LRRC4C: variants seen among roughly 807,000 people sequenced by gnomAD.
The protein encoded by LRRC4C is leucine-rich repeat-containing protein 4C.
Under a neutral mutation model 33.6 loss-of-function variants are expected in LRRC4C, and 5 were observed. The observed-to-expected ratio is 0.15, with a 90% CI of 0.08 to 0.31. The LOEUF is 0.31. Among genes scored for constraint, LRRC4C ranks in the 10% least tolerant of loss-of-function variants. The pLI is 1.00. For missense variants in LRRC4C, 560 were observed against 796.7 expected (o/e 0.70, Z 3.58); for synonymous variants, 329 against 302.0 (o/e 1.09, Z -0.93).
intron 1 of LRRC4C, among the ~76,000 whole-genome samples, chr11:41,021,002 T>C (rs1855923873): frequency 6.6e-6 from 1 of 152,166 alleles, no homozygotes. Context: ...ATGAGGCTGA[T>C]TTGCATCACT....
intron 2 of LRRC4C, among the ~76,000 whole-genome samples, chr11:40,874,930 A>G (rs1355678444): frequency 6.6e-6 from 1 of 152,238 alleles, no homozygotes; most frequent in African/African-American, 2.4e-5. Flanking sequence ...GACTACTCTT[A>G]GAACTAATTT....
intron 1 of LRRC4C, among the ~76,000 whole-genome samples, chr11:40,970,644 G>T (rs1851663009): frequency 2.0e-5 from 3 of 152,306 alleles, no homozygotes; most frequent in African/African-American, 7.2e-5. Flanking sequence ...ATGGGCTAAG[G>T]TTGGAAGAGT....
At chr11:41,163,282 C>CTTTTT (rs1207086558) in intron 1 of LRRC4C, among the ~76,000 whole-genome samples, 1 of 18,530 alleles carries the variant, frequency 5.4e-5, no homozygotes, top group African/African-American at 1.1e-4. Context: ...TTTACTGTAA[C>CTTTTT]TGTTTTTTTT....
At chr11:41,355,384 TG>T (rs1357919226) in intron 1 of LRRC4C, among the ~76,000 whole-genome samples, 3 of 152,204 alleles carry the variant, frequency 2.0e-5, no homozygotes, top group African/African-American at 7.2e-5. Context: ...CTAAAAAATG[TG>T]AGGACATGGA....
chr11:40,152,712 C>A (rs557096564), intron 5 of LRRC4C, among the ~76,000 whole-genome samples: 1 of 152,142 alleles, frequency 6.6e-6, no homozygotes, highest in East Asian at 1.9e-4. Flanking sequence ...GCAGAGGCAG[C>A]CATAATCCTC....
At chr11:40,423,849 T>TA (rs1396620634) in intron 3 of LRRC4C, among the ~76,000 whole-genome samples, 2 of 152,202 alleles carry the variant, frequency 1.3e-5, no homozygotes, top group Non-Finnish European at 2.9e-5. Context: ...CAGAAGAATC[T>TA]ATTAGTTATT....
At chr11:41,420,498 G>A (rs1954838822) in intron 1 of LRRC4C, among the ~76,000 whole-genome samples, 1 of 151,974 alleles carries the variant, frequency 6.6e-6, no homozygotes, top group African/African-American at 2.4e-5. Flanking sequence ...ATGAATGAAA[G>A]AAAAATAGAA....
intron 1 of LRRC4C, among the ~76,000 whole-genome samples, chr11:41,074,893 T>C (rs1370772343): frequency 5.3e-5 from 8 of 152,048 alleles, no homozygotes; most frequent in Admixed American, 2.6e-4. Flanking sequence ...AAACTTAGAA[T>C]GGAGGCCAAC....
intron 1 of LRRC4C, among the ~76,000 whole-genome samples, chr11:41,103,053 T>C (rs1941289872): frequency 6.6e-6 from 1 of 151,974 alleles, no homozygotes; most frequent in African/African-American, 2.4e-5. Flanking sequence ...ATAATGTTTA[T>C]TTTTTAAAAA....
At chr11:40,679,985 G>A (rs1406292458) in intron 2 of LRRC4C, among the ~76,000 whole-genome samples, 1 of 152,182 alleles carries the variant, frequency 6.6e-6, no homozygotes, top group Non-Finnish European at 1.5e-5. Flanking sequence ...CGTGAAAGCA[G>A]CTATTAGGGG....
At chr11:40,812,314 G>A (rs1276279121) in intron 2 of LRRC4C, among the ~76,000 whole-genome samples, 1 of 152,138 alleles carries the variant, frequency 6.6e-6, no homozygotes, top group Non-Finnish European at 1.5e-5. Flanking sequence ...GCCTCTGACT[G>A]ATACACAGTC....
chr11:40,876,422 G>A (rs1441002366), intron 2 of LRRC4C, among the ~76,000 whole-genome samples: 1 of 151,876 alleles, frequency 6.6e-6, no homozygotes, highest in African/African-American at 2.4e-5. Flanking sequence ...GTGTTCACTT[G>A]TCGCCCCCAA....
At chr11:41,235,179 A>C (rs1412670860) in intron 1 of LRRC4C, among the ~76,000 whole-genome samples, 1 of 152,044 alleles carries the variant, frequency 6.6e-6, no homozygotes, top group Admixed American at 6.6e-5. Context: ...TCATTTAAAC[A>C]CTCATAAAAT....
intron 1 of LRRC4C, among the ~76,000 whole-genome samples, chr11:41,041,955 T>C (rs994306857): frequency 1.3e-5 from 2 of 152,164 alleles, no homozygotes; most frequent in Non-Finnish European, 2.9e-5. Context: ...TGTACTATGT[T>C]AAAAGATAAA....
At chr11:40,903,107 T>C (rs1036896538) in intron 2 of LRRC4C, among the ~76,000 whole-genome samples, 5 of 152,156 alleles carry the variant, frequency 3.3e-5, no homozygotes, top group African/African-American at 1.2e-4. Context: ...AGACTGACTC[T>C]CTTGTAACAG....
chr11:40,193,857 G>A (rs58417752), intron 5 of LRRC4C, among the ~76,000 whole-genome samples: 2,298 of 152,130 alleles, frequency 0.015, 46 homozygotes, highest in African/African-American at 0.046. Flanking sequence ...AAGGATATCC[G>A]AGATTGAAGA....
chr11:40,911,900 C>G (rs1956715223), intron 2 of LRRC4C, among the ~76,000 whole-genome samples: 1 of 152,152 alleles, frequency 6.6e-6, no homozygotes, highest in Admixed American at 6.5e-5. Flanking sequence ...GTGATGAATG[C>G]ACAAGCCTCA....
chr11:40,395,711 G>T (rs1255663749), intron 3 of LRRC4C, among the ~76,000 whole-genome samples: 1 of 152,100 alleles, frequency 6.6e-6, no homozygotes, highest in Non-Finnish European at 1.5e-5. Flanking sequence ...TTCTGGACGG[G>T]TGCAGTGGCT....
intron 4 of LRRC4C, among the ~76,000 whole-genome samples, chr11:40,243,902 G>A (rs2136117212): frequency 7.1e-6 from 1 of 141,506 alleles, no homozygotes. Flanking sequence ...GTTTCACCAT[G>A]TTGGCCAGGC....
Sources: gnomAD v4.1 joint callset for allele counts (sites outside exome capture counted in the v4.1 genomes callset) on GRCh38, gnomAD v4.1.1 for gene constraint, MANE v1.5 for transcripts, NCBI Gene and HGNC (gene_info 2026-07-23, HGNC 2026-07-21) for gene names.